Variants in NTSR2 observed in about 807,000 individuals in gnomAD.
NTSR2 encodes the protein neurotensin receptor type 2.
NTSR2 carries 22 observed loss-of-function variants against 24.1 expected under a neutral mutation model. The observed-to-expected ratio is 0.91, with a 90% CI of 0.65 to 1.30. The LOEUF (loss-of-function observed/expected upper bound fraction) is 1.30. NTSR2 is among the 50% of genes most tolerant of loss of function. NTSR2 has a pLI of 0.00. For missense variants in NTSR2, 570 were observed against 570.4 expected, an observed-to-expected ratio of 1.00 and a Z score of 0.01; for synonymous variants, 291 against 267.0, an observed-to-expected ratio of 1.09 and a Z score of -0.88.
At position 11,669,794 on chromosome 2, in the gene NTSR2, G is replaced by C; in HGVS notation, c.336C>G (p.Tyr112Ter). The C allele has an allele frequency of 6.4e-7, 1 of 1,558,176 alleles. No individual in the cohort carries two copies. The highest frequency in any genetic ancestry group is 1.8e-4 in the Middle Eastern group (1 of 5,612). The change falls in exon 1 of 4, where the codon TAC (tyrosine) becomes TAG (stop). Residue 112 changes from tyrosine to a stop codon, truncating the protein, a stop_gained. Transcript: ENST00000306928. LOFTEE classifies it high-confidence loss of function. ...VFGDLGCRGY[Y>*]FVHELCAYAT... is the part of the protein sequence containing the mutation. ...CGTAGGCGCACAGCTCGTGCACGAA[G>C]TAGTAGCCGCGGCAGCCCAGGTCGC...
chr2:11,667,998 A>C (rs1465805738), intron 1 of NTSR2, among the ~76,000 whole-genome samples: 1 of 152,206 alleles, frequency 6.6e-6, no homozygotes, highest in East Asian at 1.9e-4. Flanking sequence ...CAGCCACTCC[A>C]CAGAGGTACA....
At chr2:11,664,989 G>T (rs1661162515) in intron 1 of NTSR2, among the ~76,000 whole-genome samples, 1 of 150,962 alleles carries the variant, frequency 6.6e-6, no homozygotes, top group Admixed American at 6.6e-5. Context: ...TGGCCAGGTT[G>T]AACCATGTCA....
chr2:11,663,617 A>G lies in NTSR2; in HGVS notation c.625-1377T>C, dbSNP rs142309291. Among the ~76,000 whole-genome samples the G allele has an allele frequency of 1.9e-3, 294 of 152,384 alleles. 1 individual carries two copies. Among genetic ancestry groups the G allele is most frequent in the African/African-American group, 5.6e-3 (233 of 41,596 alleles). On this transcript the variant is annotated intron_variant, in intron 1 of 3. Transcript: ENST00000306928. Reference sequence around the variant, plus strand: ...AATACAACACATGGGTCATCTGTGAAGAATGTTTACATAGTCACAATTACA... The same window carrying G: ...AATACAACACATGGGTCATCTGTGAGGAATGTTTACATAGTCACAATTACA...
intron 1 of NTSR2, among the ~76,000 whole-genome samples, 199 bp downstream of exon 1, chr2:11,669,307 T>C (rs996399513): frequency 6.6e-6 from 1 of 152,300 alleles, no homozygotes; most frequent in Admixed American, 6.5e-5. Flanking sequence ...TGAATTGAAA[T>C]CGGGACTTCT....
intron 1 of NTSR2, among the ~76,000 whole-genome samples, chr2:11,668,824 G>C (rs1661259090): frequency 1.3e-5 from 2 of 152,372 alleles, no homozygotes; most frequent in South Asian, 4.1e-4. Flanking sequence ...CATGCTGAGA[G>C]AATTCAGAAG....
At chr2:11,669,479 C>T (rs759394028) in intron 1 of NTSR2, 27 bp downstream of exon 1, 17 of 942,832 alleles carry the variant, frequency 1.8e-5, no homozygotes, top group South Asian at 5.0e-5. Flanking sequence ...CCCCCCCTCC[C>T]CCGACTCCCG....
rs1660984963 is a variant in NTSR2 at position 11,658,554 on chromosome 2, T to C, written c.1158A>G (p.Leu386=). 6.2e-7 allele frequency: 1 copy of C among 1,614,012 alleles called. No homozygotes were observed. The highest frequency in any genetic ancestry group is 8.5e-7 in the Non-Finnish European group (1 of 1,180,022). The change falls in exon 4 of 4, where the codon TTA becomes TTG. Residue 386 remains leucine, a synonymous_variant. Coordinates refer to ENST00000306928, the MANE Select transcript of NTSR2 (RefSeq NM_012344.4). The part of the protein sequence containing the change: ...LCGEHHPMKR[L]PPKPQSPTLM... ...GGGTGGGACTCTGGGGCTTCGGGGG[T>C]AACCGCTTCATGGGGTGGTGCTCTC...
intron 1 of NTSR2, 104 bp downstream of exon 1, chr2:11,669,402 G>A: frequency 1.0e-6 from 1 of 961,896 alleles, no homozygotes; most frequent in Non-Finnish European, 1.4e-6. Context: ...GTGGTGGCGA[G>A]CATTAGAGTC....
chr2:11,668,765 G>T (rs1355176256), intron 1 of NTSR2, among the ~76,000 whole-genome samples: 1 of 152,228 alleles, frequency 6.6e-6, no homozygotes, highest in African/African-American at 2.4e-5. Flanking sequence ...ACTTCGAAAG[G>T]TGAGCATCAC....
chr2:11,669,457 A>ACCCCCCCC, intron 1 of NTSR2, 49 bp downstream of exon 1: 1 of 221,428 alleles, frequency 4.5e-6, no homozygotes, highest in Non-Finnish European at 8.2e-6. Context: ...TCCTCCCAGC[A>ACCCCCCCC]CCGCCCCCCC....
chr2:11,670,078 T>G lies in NTSR2; in HGVS notation c.52A>C (p.Ser18Arg). 6.9e-7 allele frequency: 1 copy of G among 1,452,224 alleles called. No individual in the cohort carries two copies. Among genetic ancestry groups the G allele is most frequent in the South Asian group, 1.4e-5 (1 of 71,200 alleles). 90.0% of individuals were successfully genotyped at this position (1,452,224 alleles called of 1,614,324 possible). Residue 18 changes from serine to arginine, a missense_variant, in exon 1 of 4, where the codon AGC (serine) becomes CGC (arginine). Coordinates refer to ENST00000306928, the MANE Select transcript of NTSR2 (RefSeq NM_012344.4). ...PPRPSSNPGL[S>R]LDARLGVDTR... Reference sequence around the variant, plus strand: ...TCCACGCCCAGCCGGGCGTCCAGGCTCAGCCCCGGGTTGGAGCTGGGCCGC... The same window carrying G: ...TCCACGCCCAGCCGGGCGTCCAGGCGCAGCCCCGGGTTGGAGCTGGGCCGC...
chr2:11,662,091 A>G lies in NTSR2; in HGVS notation c.774T>C (p.Ser258=), dbSNP rs756391237. 94 of 1,613,512 alleles carry G rather than the reference A, an allele frequency of 5.8e-5. No homozygotes were observed. In the Admixed American group the frequency reaches 1.5e-3, roughly 26 times the overall value. ...SSTPSRLELL[S]EEGLLSFIVW... ...CGATGAAGCTGAGGAGACCCTCCTCACTCAGCAGCTCCAGGCGGCTGGGGG... is the reference window on the plus strand; with the variant it reads ...CGATGAAGCTGAGGAGACCCTCCTCGCTCAGCAGCTCCAGGCGGCTGGGGG... The change falls in exon 2 of 4, where the codon AGT becomes AGC. Residue 258 remains serine, a synonymous_variant. Transcript: ENST00000306928.
chr2:11,667,083 C>T (rs967626779), intron 1 of NTSR2, among the ~76,000 whole-genome samples: 3 of 152,306 alleles, frequency 2.0e-5, no homozygotes, highest in Non-Finnish European at 1.5e-5. Context: ...GGCATGTGAA[C>T]GCTACCCACA....
intron 3 of NTSR2, 81 bp from the exon 4 acceptor site, chr2:11,658,803 C>T (rs933512836): frequency 7.4e-6 from 11 of 1,481,568 alleles, no homozygotes; most frequent in Admixed American, 1.9e-5. Context: ...AATGCCTCTC[C>T]TCCAGAGGGC....
At position 11,669,991 on chromosome 2, in the gene NTSR2, C is replaced by T. The variant is rs1445191783; in HGVS notation, c.139G>A (p.Ala47Thr). 1 of 1,512,536 alleles carries T rather than the reference C, an allele frequency of 6.6e-7. No individual in the cohort carries two copies. Among genetic ancestry groups the T allele is most frequent in the East Asian group, 2.6e-5 (1 of 38,806 alleles). 93.7% of individuals were successfully genotyped at this position (1,512,536 alleles called of 1,614,324 possible). Residue 47 changes from alanine to threonine, a missense_variant, in exon 1 of 4, where the codon GCG (alanine) becomes ACG (threonine). Coordinates refer to ENST00000306928, the MANE Select transcript of NTSR2 (RefSeq NM_012344.4). Reference sequence around the variant, plus strand: ...TGCGCGGACAGCGCATTGCCCGCCGCGCCCAGCGCCCAGATGAGTGCGTAG... The same window carrying T: ...TGCGCGGACAGCGCATTGCCCGCCGTGCCCAGCGCCCAGATGAGTGCGTAG... Reference protein sequence around the residue: ...ALYALIWALGAAGNALSAHVV... With the variant: ...ALYALIWALGTAGNALSAHVV...
intron 1 of NTSR2, among the ~76,000 whole-genome samples, chr2:11,664,770 CAATTTTCTTG>C (rs1282572836): frequency 6.6e-6 from 1 of 152,112 alleles, no homozygotes; most frequent in Non-Finnish European, 1.5e-5. Context: ...AAACTGTAAG[CAATTTTCTTG>C]GACCAAAAAA....
chr2:11,666,451 A>G (rs1661202142), intron 1 of NTSR2, among the ~76,000 whole-genome samples: 1 of 152,238 alleles, frequency 6.6e-6, no homozygotes, highest in Non-Finnish European at 1.5e-5. Context: ...CTATAATCCC[A>G]GCACTTTGGG....
chr2:11,669,017 A>C (rs377190738), intron 1 of NTSR2, among the ~76,000 whole-genome samples: 21 of 152,318 alleles, frequency 1.4e-4, no homozygotes, highest in South Asian at 1.2e-3. Context: ...TGGAGGAGGC[A>C]AGGCTGCCAG....
intron 3 of NTSR2, among the ~76,000 whole-genome samples, chr2:11,659,773 G>A (rs2148482706): frequency 6.6e-6 from 1 of 152,324 alleles, no homozygotes; most frequent in East Asian, 1.9e-4. Flanking sequence ...CCTCTTCCCA[G>A]GCTGAGGCTT....
Sources: allele counts gnomAD v4.1 joint callset (sites outside exome capture counted in the v4.1 genomes callset), GRCh38; gene constraint gnomAD v4.1.1; transcripts MANE v1.5; gene names NCBI Gene and HGNC (gene_info 2026-07-23, HGNC 2026-07-21).